The following SNRPN variants were observed in gnomAD, a reference collection of about 807,000 sequenced individuals.
SNRPN encodes small nuclear ribonucleoprotein polypeptide N, also known as small nuclear ribonucleoprotein-associated protein N.
A neutral mutation model predicts 25.2 loss-of-function variants in SNRPN; 7 were observed. That is an observed-to-expected ratio of 0.28 (90% CI 0.16 to 0.52). SNRPN has a LOEUF of 0.52. Among genes scored for constraint, SNRPN ranks in the 20% least tolerant of loss-of-function variants. The pLI is 0.96. For missense variants in SNRPN, 196 were observed against 322.5 expected, an observed-to-expected ratio of 0.61 and a Z score of 3.00; for synonymous variants, 124 against 110.6, an observed-to-expected ratio of 1.12 and a Z score of -0.76.
At chr15:24,852,766 A>C (rs2052988349), upstream of SNRPN, among the ~76,000 whole-genome samples, 2 of 152,112 alleles carry the variant, frequency 1.3e-5, no homozygotes, top group African/African-American at 2.4e-5. Context: ...TTCTAAAAAA[A>C]ATGCAAAAAA....
intron 2 of SNRPN, among the ~76,000 whole-genome samples, chr15:24,845,720 ACTT>A (rs1314984488): frequency 6.6e-6 from 1 of 152,062 alleles, no homozygotes; most frequent in Non-Finnish European, 1.5e-5. Flanking sequence ...TTTGGAATCT[ACTT>A]CTCAGTTTCT....
intron 4 of SNRPN, chr15:24,974,723 G>T: frequency 1.6e-6 from 1 of 606,260 alleles, no homozygotes; most frequent in Non-Finnish European, 2.9e-6. Flanking sequence ...AGAGATTCTC[G>T]TGCCTCAGCC....
chr15:24,870,511 C>CT (rs1390465184), intron 1 of SNRPN, among the ~76,000 whole-genome samples: 2 of 152,286 alleles, frequency 1.3e-5, no homozygotes, highest in East Asian at 1.9e-4. Flanking sequence ...AACCCCCACT[C>CT]TAACAGTGAG....
In SNRPN at chr15:24,879,029, AAATATATTTAAAAAAG is replaced by A. The variant is rs1440232913; in HGVS notation, c.-578-7486_-578-7471del. Among the ~76,000 whole-genome samples, 44 of 152,008 alleles carry A rather than the reference AAATATATTTAAAAAAG, an allele frequency of 2.9e-4. 1 individual carries two copies. The highest frequency in any genetic ancestry group is 1.0e-3 in the African/African-American group (43 of 41,454). On this transcript the variant is annotated intron_variant, in intron 1 of 11. Transcript: ENST00000400097. ...TTGAATTTTCAAAAATATATTTTTA[AAATATATTTAAAAAAG>A]TATTTTTAAATATAGTCCTCCGGAA...
intron 2 of SNRPN, chr15:24,851,076 A>G (rs2052778708): frequency 6.6e-6 from 1 of 151,862 alleles, no homozygotes; most frequent in South Asian, 2.1e-4. Flanking sequence ...ATATGCCACC[A>G]AGCCCTGCCT....
At chr15:24,847,871 T>A (rs2052344834) in intron 2 of SNRPN, among the ~76,000 whole-genome samples, 1 of 152,208 alleles carries the variant, frequency 6.6e-6, no homozygotes, top group African/African-American at 2.4e-5. Context: ...CGACTTCAGC[T>A]GACTTTGCAG....
At chr15:24,964,137 A>G (rs1223622874) in intron 2 of SNRPN, among the ~76,000 whole-genome samples, 1 of 152,002 alleles carries the variant, frequency 6.6e-6, no homozygotes, top group Non-Finnish European at 1.5e-5. Context: ...GATTTTTACT[A>G]TAGTGAGTAT....
rs547070772 is a variant in SNRPN, at chr15:24,883,984, C to A, written c.-578-2532C>A. 8.0e-5 allele frequency among the ~76,000 whole-genome samples: 10 copies of A among 124,682 alleles called. No homozygotes were observed. In the South Asian group the frequency reaches 2.7e-3, roughly 33 times the overall value. The allele number at this position is 124,682 out of a possible 152,430, so 81.8% of individuals were successfully genotyped here. ...TCGTGTCACTGCACTCCAGCTGGGA[C>A]AACAGAGCCCCACTCTGTCTAAAAA... On this transcript the variant is annotated intron_variant, in intron 1 of 11. Coordinates refer to the SNRPN transcript ENST00000400097.
At chr15:24,884,951 G>A (rs2057061300) in intron 1 of SNRPN, among the ~76,000 whole-genome samples, 1 of 152,282 alleles carries the variant, frequency 6.6e-6, no homozygotes, top group East Asian at 1.9e-4. Context: ...AGCATCCTCA[G>A]AAAGCAAGAG....
At chr15:24,837,730 AT>A (rs147689924) in intron 2 of SNRPN, among the ~76,000 whole-genome samples, 33 of 138,954 alleles carry the variant, frequency 2.4e-4, no homozygotes, top group Non-Finnish European at 2.5e-4. Flanking sequence ...AACTCTTTAA[AT>A]TTTTTTTTTT....
intron 2 of SNRPN, among the ~76,000 whole-genome samples, chr15:24,895,400 AACACACACACACAC>A (rs10558727): frequency 6.1e-5 from 9 of 147,332 alleles, no homozygotes; most frequent in East Asian, 2.0e-4. Flanking sequence ...AATACACCCA[AACACACACACACAC>A]ACACACACAC....
At chr15:24,938,635 T>C (rs1213865256) in intron 3 of SNRPN, among the ~76,000 whole-genome samples, 1 of 152,102 alleles carries the variant, frequency 6.6e-6, no homozygotes, top group Admixed American at 6.6e-5. Context: ...CTACACCACA[T>C]CACGTGAGGA....
intron 2 of SNRPN, among the ~76,000 whole-genome samples, chr15:24,907,844 G>A (rs911250908): frequency 7.2e-5 from 11 of 152,066 alleles, no homozygotes; most frequent in African/African-American, 2.4e-4. Flanking sequence ...CATGAGGTCA[G>A]GAATTCGAGA....
chr15:24,969,614 A>T (rs2153606138), intron 3 of SNRPN, among the ~76,000 whole-genome samples: 1 of 150,804 alleles, frequency 6.6e-6, no homozygotes. Context: ...TTTACTTTTT[A>T]GGAATTTTTT....
At chr15:24,900,096 C>T (rs2058355971) in intron 2 of SNRPN, among the ~76,000 whole-genome samples, 1 of 152,112 alleles carries the variant, frequency 6.6e-6, no homozygotes, top group Non-Finnish European at 1.5e-5. Flanking sequence ...GAAACACGTG[C>T]CTTGGGAGCC....
intron 2 of SNRPN, among the ~76,000 whole-genome samples, chr15:24,913,182 TG>T (rs576264092): frequency 3.3e-5 from 5 of 152,124 alleles, no homozygotes; most frequent in Non-Finnish European, 7.3e-5. Context: ...TTAGGTGATC[TG>T]GCCCCATCTG....
At chr15:24,947,225 A>G (rs2061941115) in intron 3 of SNRPN, among the ~76,000 whole-genome samples, 1 of 152,232 alleles carries the variant, frequency 6.6e-6, no homozygotes. Flanking sequence ...TTTAAAAGAC[A>G]AATATTATAT....
intron 1 of SNRPN, among the ~76,000 whole-genome samples, chr15:24,875,989 G>T (rs1423440198): frequency 6.6e-6 from 1 of 151,768 alleles, no homozygotes; most frequent in Non-Finnish European, 1.5e-5. Flanking sequence ...GGCAAGTGGA[G>T]GTTGCAGTGA....
intron 2 of SNRPN, among the ~76,000 whole-genome samples, chr15:24,915,550 T>C (rs2059459563): frequency 6.6e-6 from 1 of 152,208 alleles, no homozygotes. Context: ...TCATCCCTCC[T>C]GTATGCATTA....
Sources: gnomAD v4.1 joint callset for allele counts (sites outside exome capture counted in the v4.1 genomes callset) on GRCh38, gnomAD v4.1.1 for gene constraint, MANE v1.5 for transcripts, NCBI Gene and HGNC (gene_info 2026-07-23, HGNC 2026-07-21) for gene names.